ESRRG: variants seen among roughly 807,000 people sequenced by gnomAD.
The protein encoded by ESRRG is estrogen-related receptor gamma.
Under a neutral mutation model 44.0 loss-of-function variants are expected in ESRRG, and 13 were observed. That is an observed-to-expected ratio of 0.30 (90% CI 0.19 to 0.47). ESRRG has a LOEUF of 0.47. Among genes scored for constraint, ESRRG ranks in the 20% least tolerant of loss-of-function variants. The probability of loss-of-function intolerance (pLI) is 1.00; values close to 1 mark genes in which losing one functional copy is unlikely to be tolerated. For missense variants in ESRRG, 395 were observed against 580.6 expected (o/e 0.68, Z 3.29); for synonymous variants, 215 against 214.6 (o/e 1.00, Z -0.02).
At chr1:216,985,846 G>T (rs1287109958) in intron 1 of ESRRG, 1 of 152,124 alleles carries the variant, frequency 6.6e-6, no homozygotes, top group African/African-American at 2.4e-5. Context: ...CAAGGAATTA[G>T]AAAGCAAAAA....
intron 1 of ESRRG, among the ~76,000 whole-genome samples, chr1:217,024,282 C>T (rs1309663873): frequency 1.3e-5 from 2 of 151,782 alleles, no homozygotes; most frequent in East Asian, 1.9e-4. Context: ...GGCGTGAACC[C>T]GGGAGGTGGA....
Position 217,046,123 on chromosome 1 carries a change from A to G in ESRRG, c.-106+43384T>C, listed in dbSNP as rs12089012. ...AGGCATGTCGCCAATAAAAGGAATT[A>G]TGTCAGGAACCACTGAGAGCCTAAG... On this transcript the variant is annotated intron_variant, in intron 1 of 7. Coordinates refer to the ESRRG transcript ENST00000359162. Among the ~76,000 whole-genome samples, 588 of 152,024 alleles carry G rather than the reference A, an allele frequency of 3.9e-3. 4 individuals carry two copies. Among genetic ancestry groups the G allele is most frequent in the African/African-American group, 0.014 (565 of 41,478 alleles).
upstream of ESRRG, among the ~76,000 whole-genome samples, chr1:216,725,448 A>T (rs2087314402): frequency 6.6e-6 from 1 of 152,184 alleles, no homozygotes; most frequent in South Asian, 2.1e-4. Context: ...GAGAAAAAAA[A>T]AATTGTCTAT....
chr1:217,013,952 G>A (rs772446531), intron 1 of ESRRG, among the ~76,000 whole-genome samples: 2 of 152,088 alleles, frequency 1.3e-5, no homozygotes, highest in Non-Finnish European at 2.9e-5. Flanking sequence ...AGATATGAAC[G>A]GATTGCATTT....
At chr1:216,586,917 A>G (rs2063918071) in intron 3 of ESRRG, among the ~76,000 whole-genome samples, 1 of 152,152 alleles carries the variant, frequency 6.6e-6, no homozygotes. Flanking sequence ...CAGCACCAAC[A>G]TAATATTTAA....
intron 2 of ESRRG, among the ~76,000 whole-genome samples, chr1:216,885,498 C>T (rs1180091169): frequency 2.0e-5 from 3 of 151,784 alleles, no homozygotes; most frequent in Non-Finnish European, 4.4e-5. Flanking sequence ...AATTAAGGCT[C>T]CCGGTTCCAA....
In ESRRG at chr1:216,912,107, GAAGAAAAGAAAAGAAAAGAA is replaced by G. The variant is rs763291110; in HGVS notation, c.-14+27455_-14+27474del. Among the ~76,000 whole-genome samples the G allele has an allele frequency of 5.2e-3, 389 of 74,358 alleles. 7 individuals are homozygous for G. The highest frequency in any genetic ancestry group is 7.6e-3 in the Non-Finnish European group (272 of 35,864). The allele number at this position is 74,358 out of a possible 152,430, so 48.8% of individuals were successfully genotyped here. A position where few individuals can be genotyped will look rare whatever the true frequency, so the allele number is the denominator to read the frequency against. On this transcript the variant is annotated intron_variant, in intron 2 of 7. Coordinates refer to the ESRRG transcript ENST00000359162. ...GAGCAAGACCCACCCTGTAAAAAAA[GAAGAAAAGAAAAGAAAAGAA>G]AAGAAAAGAAAAGAAAAGAAAAGAA...
intron 2 of ESRRG, among the ~76,000 whole-genome samples, chr1:216,937,264 G>A (rs145726767): frequency 1.5e-3 from 234 of 152,108 alleles, no homozygotes; most frequent in African/African-American, 5.4e-3. Flanking sequence ...AAAGATTGCC[G>A]TGATATTCTG....
chr1:216,533,561 A>G (rs1304139550), intron 5 of ESRRG, among the ~76,000 whole-genome samples: 2 of 152,140 alleles, frequency 1.3e-5, no homozygotes, highest in East Asian at 3.9e-4. Context: ...TTTTTCAAAG[A>G]AAAGAAAAGG....
At chr1:216,605,666 C>T (rs577572223) in intron 3 of ESRRG, among the ~76,000 whole-genome samples, 5 of 152,156 alleles carry the variant, frequency 3.3e-5, no homozygotes, top group African/African-American at 9.6e-5. Flanking sequence ...TTGTGTGGAA[C>T]TCGGGAAAGA....
chr1:217,080,490 G>A (rs1415774790), intron 1 of ESRRG, among the ~76,000 whole-genome samples: 1 of 151,996 alleles, frequency 6.6e-6, no homozygotes, highest in African/African-American at 2.4e-5. Flanking sequence ...CCTGAAGATT[G>A]TTTTCTTCAT....
intron 1 of ESRRG, among the ~76,000 whole-genome samples, chr1:217,073,686 T>C (rs911134749): frequency 2.0e-5 from 3 of 151,890 alleles, no homozygotes; most frequent in Non-Finnish European, 4.4e-5. Flanking sequence ...AAATGTTATG[T>C]AGCTGGGACA....
chr1:216,763,236 C>T (rs1180423896), intron 2 of ESRRG, among the ~76,000 whole-genome samples: 3 of 151,006 alleles, frequency 2.0e-5, no homozygotes, highest in Non-Finnish European at 2.9e-5. Context: ...ATAAAAGTGT[C>T]TGGAGTGTAT....
chr1:216,972,215 G>T (rs766601620), intron 1 of ESRRG, among the ~76,000 whole-genome samples: 2 of 152,120 alleles, frequency 1.3e-5, no homozygotes, highest in Non-Finnish European at 2.9e-5. Flanking sequence ...TTCATAAAAA[G>T]ATGGCAACTG....
rs556117817 is a variant in ESRRG at position 216,951,381 on chromosome 1, G to A, written c.-105-11708C>T. 6.6e-5 allele frequency among the ~76,000 whole-genome samples: 10 copies of A among 152,186 alleles called. No homozygotes were observed. The South Asian group carries it at 1.9e-3, about 28-fold the overall frequency. ...CTGCTTAAAAATGTACTGCCAAAAT[G>A]GGCTTTATGCATTACACAATGGAGC... is the stretch of plus-strand genomic sequence containing the variant. On this transcript the variant is annotated intron_variant, in intron 1 of 7. Coordinates refer to the ESRRG transcript ENST00000359162.
intron 1 of ESRRG, among the ~76,000 whole-genome samples, chr1:216,965,229 C>T (rs1348849312): frequency 2.0e-5 from 3 of 151,674 alleles, no homozygotes; most frequent in African/African-American, 7.3e-5. Flanking sequence ...CAGGACACAT[C>T]TTTCCTCCAA....
At chr1:217,098,730 C>T (rs1350839058) in intron 1 of ESRRG, among the ~76,000 whole-genome samples, 1 of 152,154 alleles carries the variant, frequency 6.6e-6, no homozygotes. Flanking sequence ...ATTTAATGTG[C>T]CTACAATCAT....
chr1:216,834,902 T>C (rs7552492), intron 2 of ESRRG, among the ~76,000 whole-genome samples: 31,818 of 151,988 alleles, frequency 0.21, 3,420 homozygotes, highest in Admixed American at 0.27. Flanking sequence ...GCGGTTTTGG[T>C]GATTGGAGGG....
intron 2 of ESRRG, 86 bp downstream of exon 2, chr1:216,676,990 G>T: frequency 1.1e-6 from 1 of 923,528 alleles, no homozygotes; most frequent in Non-Finnish European, 1.7e-6. Flanking sequence ...TATGATACTT[G>T]ACTTATGAGA....
Sources: gnomAD v4.1 joint callset for allele counts (sites outside exome capture counted in the v4.1 genomes callset) on GRCh38, gnomAD v4.1.1 for gene constraint, MANE v1.5 for transcripts, NCBI Gene and HGNC (gene_info 2026-07-23, HGNC 2026-07-21) for gene names.